The following LPAR3 variants were observed in gnomAD, a reference collection of about 807,000 sequenced individuals.
LPAR3 encodes LPA receptor 3.
A neutral mutation model predicts 17.8 loss-of-function variants in LPAR3; 7 were observed. That is an observed-to-expected ratio of 0.39 (90% CI 0.22 to 0.74). The LOEUF (loss-of-function observed/expected upper bound fraction) is 0.74. Ranked by LOEUF, LPAR3 falls within the 30% of genes least tolerant of loss-of-function variation. The probability of loss-of-function intolerance (pLI) is 0.40; values close to 1 mark genes in which losing one functional copy is unlikely to be tolerated. For synonymous variants in LPAR3, 179 were observed against 179.9 expected (o/e 0.99, Z 0.04); for missense variants, 391 against 453.4 (o/e 0.86, Z 1.25).
At position 84,865,445 on chromosome 1, in the gene LPAR3, C is replaced by A. The variant is rs144779605; in HGVS notation, c.676G>T (p.Gly226Trp). 27 of 1,614,022 alleles carry A rather than the reference C, an allele frequency of 1.7e-5. No homozygotes were observed. The African/African-American group carries it at 3.2e-4, about 19-fold the overall frequency. ...GGTGTCCTCCGGCGGCTGATGGACCCACTTGTATGCGGAGACAAGACGTTG... is the reference window on the plus strand; with the variant it reads ...GGTGTCCTCCGGCGGCTGATGGACCAACTTGTATGCGGAGACAAGACGTTG... Reference protein sequence around the residue: ...KTNVLSPHTSGSISRRRTPMK... With the variant: ...KTNVLSPHTSWSISRRRTPMK... The change falls in exon 2 of 3, where the codon GGG becomes TGG. Residue 226 changes from glycine (G) to tryptophan (W), a missense_variant. Physicochemically the swap from Gly to Trp is radical, Grantham distance 184. Transcript: ENST00000370611.
rs1660031455 is a variant in LPAR3, at chr1:84,865,716, C to G, written c.405G>C (p.Arg135=). Residue 135 remains arginine (R), a synonymous_variant, in exon 2 of 3, where the codon CGG becomes CGC. Coordinates refer to ENST00000370611, the MANE Select transcript of LPAR3 (RefSeq NM_012152.3). ...TCTTTTTGGTCAGGTTGCTATGGAC[C>G]CGCATCCTCATGATTGACATGTGCC... ...VERHMSIMRM[R]VHSNLTKKRV... 1.9e-6 allele frequency: 3 copies of G among 1,614,138 alleles called. No individual in the cohort carries two copies. The highest frequency in any genetic ancestry group is 2.5e-6 in the Non-Finnish European group (3 of 1,180,034).
At chr1:84,873,341 C>G (rs1660191916) in intron 1 of LPAR3, among the ~76,000 whole-genome samples, 1 of 152,110 alleles carries the variant, frequency 6.6e-6, no homozygotes, top group Non-Finnish European at 1.5e-5. Flanking sequence ...ACTATCCGTT[C>G]AATTTTTCTG....
At chr1:84,846,007 G>T (rs566449780) in intron 2 of LPAR3, among the ~76,000 whole-genome samples, 1 of 152,194 alleles carries the variant, frequency 6.6e-6, no homozygotes, top group South Asian at 2.1e-4. Context: ...ATATAAGAGG[G>T]CTCATTTCTA....
In LPAR3 at chr1:84,892,486, C is replaced by T. The variant is rs76440228; in HGVS notation, c.-19+530G>A. 4.6e-5 allele frequency among the ~76,000 whole-genome samples: 7 copies of T among 152,266 alleles called. No homozygotes were observed. In the East Asian group the frequency reaches 1.4e-3, roughly 29 times the overall value. ...GGGGCATACCCTGAACAAACAACCC[C>T]GACAGTGTTGCTAGTTACTAGTTCC... On this transcript the variant is annotated intron_variant, in intron 1 of 2. Transcript: ENST00000370611.
chr1:84,816,059 T>G (rs1471989426), intron 2 of LPAR3, among the ~76,000 whole-genome samples: 1 of 152,174 alleles, frequency 6.6e-6, no homozygotes, highest in African/African-American at 2.4e-5. Flanking sequence ...AGCTGTAAAC[T>G]GAGGACTGAC....
At chr1:84,860,409 G>C (rs1004276134) in intron 2 of LPAR3, among the ~76,000 whole-genome samples, 1 of 152,096 alleles carries the variant, frequency 6.6e-6, no homozygotes, top group African/African-American at 2.4e-5. Flanking sequence ...GTACTCTGTG[G>C]GGCCTTCCTC....
intron 1 of LPAR3, among the ~76,000 whole-genome samples, chr1:84,886,572 G>T (rs1660464542): frequency 6.6e-6 from 1 of 152,108 alleles, no homozygotes; most frequent in Non-Finnish European, 1.5e-5. Flanking sequence ...AATTTGCCAA[G>T]AGAGTAGATT....
chr1:84,878,722 A>T (rs2102771079), intron 1 of LPAR3, among the ~76,000 whole-genome samples: 1 of 152,304 alleles, frequency 6.6e-6, no homozygotes, highest in African/African-American at 2.4e-5. Flanking sequence ...AACACAGAGG[A>T]TAAAATCATG....
At chr1:84,817,374 C>G (rs1420620295) in intron 2 of LPAR3, among the ~76,000 whole-genome samples, 1 of 152,076 alleles carries the variant, frequency 6.6e-6, no homozygotes, top group Non-Finnish European at 1.5e-5. Context: ...TCCAAGACTA[C>G]AGAGCCTAGG....
chr1:84,885,137 T>C (rs995177554), intron 1 of LPAR3, among the ~76,000 whole-genome samples: 3 of 152,160 alleles, frequency 2.0e-5, no homozygotes, highest in African/African-American at 7.2e-5. Flanking sequence ...GGGGGTACTA[T>C]TGGCATCTAC....
intron 2 of LPAR3, among the ~76,000 whole-genome samples, chr1:84,834,287 G>A (rs1659351443): frequency 6.6e-6 from 1 of 152,138 alleles, no homozygotes; most frequent in African/African-American, 2.4e-5. Flanking sequence ...TTATTAATGA[G>A]TAAATGATCA....
At chr1:84,867,796 C>A (rs532304486) in intron 1 of LPAR3, among the ~76,000 whole-genome samples, 2 of 152,160 alleles carry the variant, frequency 1.3e-5, no homozygotes, top group South Asian at 4.2e-4. Flanking sequence ...CAAATAAATT[C>A]ATGATAATAT....
At chr1:84,821,085 CTT>C (rs67024653) in intron 2 of LPAR3, among the ~76,000 whole-genome samples, 30 of 136,678 alleles carry the variant, frequency 2.2e-4, no homozygotes, top group Admixed American at 3.0e-4. Flanking sequence ...GTGGGTACTG[CTT>C]TTTTTTTTTT....
intron 2 of LPAR3, among the ~76,000 whole-genome samples, chr1:84,820,463 C>T (rs1244243416): frequency 1.3e-5 from 2 of 152,194 alleles, no homozygotes; most frequent in Admixed American, 1.3e-4. Context: ...CTCAGTTGAG[C>T]TGGTGCTGAA....
At chr1:84,819,288 A>C (rs1329558554) in intron 2 of LPAR3, among the ~76,000 whole-genome samples, 1 of 152,238 alleles carries the variant, frequency 6.6e-6, no homozygotes, top group Non-Finnish European at 1.5e-5. Flanking sequence ...CTGTTATGGG[A>C]AATACAGATC....
intron 2 of LPAR3, among the ~76,000 whole-genome samples, chr1:84,841,976 C>T (rs1659511391): frequency 6.6e-6 from 1 of 151,736 alleles, no homozygotes; most frequent in Non-Finnish European, 1.5e-5. Context: ...TTCGGTACAA[C>T]ATAAGCAGAA....
rs144051702 is a variant in LPAR3 at position 84,865,572 on chromosome 1, G to A, written c.549C>T (p.Tyr183=). The change falls in exon 2 of 3, where the codon TAC becomes TAT. Residue 183 remains tyrosine (Y), a synonymous_variant. Coordinates refer to ENST00000370611, the MANE Select transcript of LPAR3 (RefSeq NM_012152.3). ...TCCAGAAAACAAGGTAACTCCTGCT[G>A]TAAATGGGGGCCAGGGAAGAGCAGG... ...ISACSSLAPI[Y]SRSYLVFWTV... is the part of the protein sequence containing the mutation. 454 of 1,614,240 alleles carry A rather than the reference G, an allele frequency of 2.8e-4. 1 individual carries two copies. In the African/African-American group the frequency reaches 5.4e-3, roughly 19 times the overall value.
At chr1:84,869,984 C>T (rs761486557) in intron 1 of LPAR3, among the ~76,000 whole-genome samples, 17 of 152,196 alleles carry the variant, frequency 1.1e-4, no homozygotes, top group Non-Finnish European at 2.2e-4. Context: ...AAAACATTGC[C>T]TAATGCCATC....
At chr1:84,821,063 C>T (rs1377986046) in intron 2 of LPAR3, among the ~76,000 whole-genome samples, 2 of 148,934 alleles carry the variant, frequency 1.3e-5, no homozygotes, top group Admixed American at 6.7e-5. Context: ...AAAATGTACA[C>T]TATTTCTTAC....
Sources: gnomAD v4.1 joint callset for allele counts (sites outside exome capture counted in the v4.1 genomes callset) on GRCh38, gnomAD v4.1.1 for gene constraint, MANE v1.5 for transcripts, NCBI Gene and HGNC (gene_info 2026-07-23, HGNC 2026-07-21) for gene names.